The following GIGYF2 variants were observed in gnomAD, a reference collection of about 807,000 sequenced individuals.
GIGYF2 encodes the protein GRB10-interacting GYF protein 2.
Under a neutral mutation model 208.1 loss-of-function variants are expected in GIGYF2, and 25 were observed. The observed-to-expected ratio is 0.12, with a 90% CI of 0.09 to 0.17. The LOEUF (loss-of-function observed/expected upper bound fraction) is 0.17, where lower values mean the gene tolerates loss of function less well. Ranked by LOEUF, GIGYF2 falls within the 10% of genes least tolerant of loss-of-function variation. The probability of loss-of-function intolerance (pLI) is 1.00; values close to 1 mark genes in which losing one functional copy is unlikely to be tolerated. For synonymous variants in GIGYF2, 534 were observed against 543.8 expected, an observed-to-expected ratio of 0.98 and a Z score of 0.25; for missense variants, 1,302 against 1,579.4, an observed-to-expected ratio of 0.82 and a Z score of 2.98.
chr2:232,852,074 A>G (rs1022426262), intron 28 of GIGYF2, among the ~76,000 whole-genome samples: 5 of 152,136 alleles, frequency 3.3e-5, no homozygotes, highest in African/African-American at 1.2e-4. Flanking sequence ...TTGAGTGTTG[A>G]CTGGGTTGAG....
intron 14 of GIGYF2, among the ~76,000 whole-genome samples, chr2:232,804,828 A>C (rs1700511027): frequency 6.6e-6 from 1 of 151,446 alleles, no homozygotes; most frequent in East Asian, 1.9e-4. Flanking sequence ...GTGTATTTTA[A>C]TTTCCCTTGA....
chr2:232,751,699 A>G (rs140466377), intron 5 of GIGYF2, among the ~76,000 whole-genome samples: 3 of 152,204 alleles, frequency 2.0e-5, no homozygotes, highest in East Asian at 3.8e-4. Context: ...GGAAGAGGAC[A>G]TGCTACTAGT....
intron 21 of GIGYF2, among the ~76,000 whole-genome samples, chr2:232,823,595 T>A (rs776110543): frequency 1.3e-5 from 2 of 152,016 alleles, no homozygotes; most frequent in Non-Finnish European, 2.9e-5. Flanking sequence ...ACTCAAGCAG[T>A]TTTCTTGTCT....
At chr2:232,814,539 G>A (rs895064221) in intron 18 of GIGYF2, among the ~76,000 whole-genome samples, 2 of 141,928 alleles carry the variant, frequency 1.4e-5, no homozygotes, top group African/African-American at 5.2e-5. Flanking sequence ...CTCCAGCCTG[G>A]GTGACAGAGT....
Position 232,844,037 on chromosome 2 carries a change from A to G in GIGYF2, c.2890-9A>G, listed in dbSNP as rs770882070. 4 of 1,612,318 alleles carry G rather than the reference A, an allele frequency of 2.5e-6. No homozygotes were observed. Among genetic ancestry groups the G allele is most frequent in the Non-Finnish European group, 3.4e-6 (4 of 1,178,578 alleles). ...GAATCCTCAGCTAGCTTCTGTTTTT[A>G]TGCAACAGCAAAGGCGCCAGCAGAG... On this transcript the variant is annotated splice_polypyrimidine_tract_variant and intron_variant, in intron 23 of 28. Coordinates refer to ENST00000373563, the MANE Select transcript of GIGYF2 (RefSeq NM_001103146.3).
At chr2:232,735,460 A>T in intron 3 of GIGYF2, 1 of 432,590 alleles carries the variant, frequency 2.3e-6, no homozygotes, top group Non-Finnish European at 4.0e-6. Context: ...TATATATGTA[A>T]TGATGGCGGG....
chr2:232,817,071 G>A (rs769980386), intron 20 of GIGYF2, 39 bp downstream of exon 20: 1 of 1,454,848 alleles, frequency 6.9e-7, no homozygotes, highest in Admixed American at 1.7e-5. Context: ...ATTAGTGCTT[G>A]ATGAGGGCTT....
intron 12 of GIGYF2, among the ~76,000 whole-genome samples, chr2:232,791,989 G>A (rs1260249492): frequency 2.6e-5 from 4 of 152,044 alleles, no homozygotes; most frequent in African/African-American, 7.2e-5. Context: ...CTTCTTGTAC[G>A]TATTTAAAAA....
rs558478173 is a variant in GIGYF2 at position 232,860,585 on chromosome 2, G to C, written c.*3725G>C. On this transcript the variant is annotated 3_prime_UTR_variant, in exon 29 of 29. Transcript: ENST00000373563. ...GTATGTGAATGACTCTAATTAAACA[G>C]AAGTGATTCTTTGAAATGAACATAT... 6.6e-6 allele frequency: 1 copy of C among 152,256 alleles called. No homozygotes were observed. The highest frequency in any genetic ancestry group is 1.9e-4 in the East Asian group (1 of 5,188). 9.4% of individuals were successfully genotyped at this position (152,256 alleles called of 1,614,324 possible). A position where few individuals can be genotyped will look rare whatever the true frequency, so the allele number is the denominator to read the frequency against.
At chr2:232,820,651 G>C (rs1295509546) in intron 21 of GIGYF2, among the ~76,000 whole-genome samples, 1 of 152,068 alleles carries the variant, frequency 6.6e-6, no homozygotes, top group African/African-American at 2.4e-5. Flanking sequence ...TGATTTTCAT[G>C]TATGGTATGA....
Position 232,731,837 on chromosome 2 carries a change from C to T in GIGYF2, c.-43-3318C>T, listed in dbSNP as rs1180273770. The stretch of plus-strand genomic sequence containing the variant: ...AGGAATACTGCCAAGAAGGCTCCGG[C>T]ACATCTGGCACAGGCTTTTCTTGTT... On this transcript the variant is annotated intron_variant, in intron 2 of 28. Transcript: ENST00000373563. 3.3e-5 allele frequency among the ~76,000 whole-genome samples: 5 copies of T among 152,132 alleles called. 1 individual carries two copies. Among genetic ancestry groups the T allele is most frequent in the African/African-American group, 1.2e-4 (5 of 41,406 alleles).
At position 232,803,877 on chromosome 2, in the gene GIGYF2, C is replaced by T. The variant is rs1308284177; in HGVS notation, c.1640-2614C>T. 3.0e-4 allele frequency among the ~76,000 whole-genome samples: 6 copies of T among 20,336 alleles called. 2 individuals are homozygous for T. Among genetic ancestry groups the T allele is most frequent in the Non-Finnish European group, 5.2e-4 (6 of 11,524 alleles). The allele number at this position is 20,336 out of a possible 152,430, so 13.3% of individuals were successfully genotyped here. A position where few individuals can be genotyped will look rare whatever the true frequency, so the allele number is the denominator to read the frequency against. Reference sequence around the variant, plus strand: ...TAATTTTTTGTATTTTTAGTAGAGACGGGGTTTCACCTTGTTAGCCAGGAT... The same window carrying T: ...TAATTTTTTGTATTTTTAGTAGAGATGGGGTTTCACCTTGTTAGCCAGGAT... On this transcript the variant is annotated intron_variant, in intron 14 of 28. Coordinates refer to ENST00000373563, the MANE Select transcript of GIGYF2 (RefSeq NM_001103146.3).
rs572072330 is a variant in GIGYF2, at chr2:232,840,032, T to C, written c.2889+61T>C. The C allele has an allele frequency of 1.1e-5, 16 of 1,507,592 alleles. No individual in the cohort carries two copies. In the African/African-American group the frequency reaches 2.2e-4, roughly 21 times the overall value. The allele number at this position is 1,507,592 out of a possible 1,614,324, so 93.4% of individuals were successfully genotyped here. On this transcript the variant is annotated intron_variant, in intron 23 of 28. Transcript: ENST00000373563. ...ATGTTCCAGAATATCTAGCATGCATTATGGGTTAGTGGTTACTGAGGACAA... is the reference window on the plus strand; with the variant it reads ...ATGTTCCAGAATATCTAGCATGCATCATGGGTTAGTGGTTACTGAGGACAA...
intron 2 of GIGYF2, among the ~76,000 whole-genome samples, chr2:232,718,673 A>G (rs1028945529): frequency 6.6e-5 from 10 of 152,216 alleles, no homozygotes; most frequent in African/African-American, 2.2e-4. Flanking sequence ...TAGTTGAACT[A>G]ATTTGCACTA....
In GIGYF2 at chr2:232,771,048, A is replaced by G. The variant is rs771011732; in HGVS notation, c.532+9612A>G. ...GGGAGAAGGAGAATGCAGCTGTGAA[A>G]CTGGTGATATACTTGACACAGATAG... On this transcript the variant is annotated intron_variant, in intron 8 of 28. Transcript: ENST00000373563. 4.3e-6 allele frequency: 7 copies of G among 1,614,044 alleles called. No homozygotes were observed. In the East Asian group the frequency reaches 1.1e-4, roughly 26 times the overall value.
chr2:232,811,112 T>C (rs1559449531), intron 16 of GIGYF2, 132 bp from the exon 17 acceptor site: 6 of 653,770 alleles, frequency 9.2e-6, no homozygotes, highest in African/African-American at 1.8e-5. Flanking sequence ...TGAAGAATTA[T>C]AAAATATATT....
intron 8 of GIGYF2, among the ~76,000 whole-genome samples, chr2:232,766,147 G>T (rs1698954199): frequency 6.6e-6 from 1 of 152,140 alleles, no homozygotes; most frequent in Admixed American, 6.5e-5. Flanking sequence ...AAGAAACAAT[G>T]AACAGTCCTC....
At chr2:232,714,109 A>G (rs1574780882) in intron 2 of GIGYF2, among the ~76,000 whole-genome samples, 2 of 151,748 alleles carry the variant, frequency 1.3e-5, no homozygotes, top group African/African-American at 2.4e-5. Flanking sequence ...ACCACCATGC[A>G]TGGCTAATTT....
intron 16 of GIGYF2, chr2:232,810,980 A>T (rs1244161929): frequency 2.5e-6 from 1 of 405,472 alleles, no homozygotes; most frequent in Non-Finnish European, 4.6e-6. Flanking sequence ...TTCTCTGAAT[A>T]GACCACTTTG....
Sources: allele counts gnomAD v4.1 joint callset (sites outside exome capture counted in the v4.1 genomes callset), GRCh38; gene constraint gnomAD v4.1.1; transcripts MANE v1.5; gene names NCBI Gene and HGNC (gene_info 2026-07-23, HGNC 2026-07-21).